The following STAM variants were observed in gnomAD, a reference collection of about 807,000 sequenced individuals.
STAM encodes signal transducing adaptor molecule.
STAM carries 16 observed loss-of-function variants against 63.4 expected under a neutral mutation model. The observed-to-expected ratio is 0.25, with a 90% CI of 0.17 to 0.38. The LOEUF (loss-of-function observed/expected upper bound fraction) is 0.38, where lower values mean the gene tolerates loss of function less well. Ranked by LOEUF, STAM falls within the 10% of genes least tolerant of loss-of-function variation. The pLI is 1.00. For missense variants in STAM, 636 were observed against 657.1 expected (o/e 0.97, Z 0.35); for synonymous variants, 238 against 223.9 (o/e 1.06, Z -0.56).
chr10:17,691,379 G>A (rs986201686), intron 5 of STAM, among the ~76,000 whole-genome samples: 22 of 152,110 alleles, frequency 1.4e-4, no homozygotes, highest in South Asian at 4.1e-4. Context: ...TTAGCCAGGC[G>A]TAGTGGCAGG....
intron 11 of STAM, among the ~76,000 whole-genome samples, chr10:17,705,373 C>T (rs952655902): frequency 9.2e-5 from 14 of 152,224 alleles, no homozygotes; most frequent in East Asian, 7.7e-4. Flanking sequence ...CAGTCAGGTA[C>T]GATAAGACGG....
rs568957106 is a variant in STAM at position 17,700,396 on chromosome 10, T to A, written c.912+117T>A. 131 of 779,256 alleles carry A rather than the reference T, an allele frequency of 1.7e-4. No homozygotes were observed. The African/African-American group carries it at 2.1e-3, about 12-fold the overall frequency. The allele number at this position is 779,256 out of a possible 1,614,324, so 48.3% of individuals were successfully genotyped here. A position where few individuals can be genotyped will look rare whatever the true frequency, so the allele number is the denominator to read the frequency against. On this transcript the variant is annotated intron_variant, in intron 9 of 13. Transcript: ENST00000377524. ...TGTTGTAAAAATTTTTGTATTTTTT[T>A]ATAAAAATTCAAGCAATATAGACGA...
At chr10:17,652,518 C>A (rs1226027967) in intron 1 of STAM, among the ~76,000 whole-genome samples, 1 of 152,160 alleles carries the variant, frequency 6.6e-6, no homozygotes, top group Non-Finnish European at 1.5e-5. Flanking sequence ...TAAGATAGCA[C>A]TCAACTATGA....
At chr10:17,667,128 ATT>A (rs34207861) in intron 2 of STAM, among the ~76,000 whole-genome samples, 87,056 of 148,736 alleles carry the variant, frequency 0.59, 25,645 homozygotes, top group African/African-American at 0.68. Context: ...GAGTTAAATA[ATT>A]TTTTTTTTTT....
chr10:17,714,429 G>A (rs1027435606), intron 13 of STAM, 114 bp from the exon 14 acceptor site: 21 of 998,698 alleles, frequency 2.1e-5, no homozygotes, highest in African/African-American at 4.8e-5. Context: ...TTAGTAAAAG[G>A]TTATTAAATG....
intron 4 of STAM, among the ~76,000 whole-genome samples, chr10:17,686,372 T>A (rs1258824444): frequency 6.7e-6 from 1 of 149,838 alleles, no homozygotes; most frequent in Non-Finnish European, 1.5e-5. Context: ...CTTAATAACA[T>A]CCCGCCTTTT....
rs1402869820 is a variant in STAM at position 17,693,310 on chromosome 10, A to T, written c.533A>T (p.Lys178Ile). 31 of 1,609,346 alleles carry T rather than the reference A, an allele frequency of 1.9e-5. No homozygotes were observed. Among genetic ancestry groups the T allele is most frequent in the Non-Finnish European group, 2.5e-5 (30 of 1,179,448 alleles). Residue 178 changes from lysine (K) to isoleucine (I), a missense_variant and splice_region_variant, in exon 6 of 14, where the codon AAA becomes ATA. This residue lies in a region of STAM where 532 missense variants were observed against 536.9 expected (regional missense o/e 0.99). Transcript: ENST00000377524. ...ANKKEEEDLA[K>I]AIELSLKEQR... ...AAAAAAGAAGAAGAAGATTTAGCAA[A>T]AGGTGCGTTTTTAAGTCCCTGATGG...
chr10:17,694,609 G>A (rs1233356090), intron 6 of STAM, among the ~76,000 whole-genome samples: 2 of 152,082 alleles, frequency 1.3e-5, no homozygotes, highest in Admixed American at 1.3e-4. Context: ...TACCCTTGGA[G>A]CAATAAAATC....
chr10:17,673,001 C>T lies in STAM; in HGVS notation c.126-11674C>T, dbSNP rs948152419. 2.3e-5 allele frequency: 23 copies of T among 984,682 alleles called. No individual in the cohort carries two copies. The African/African-American group carries it at 3.5e-4, about 15-fold the overall frequency. 61.0% of individuals were successfully genotyped at this position (984,682 alleles called of 1,614,324 possible). A position where few individuals can be genotyped will look rare whatever the true frequency, so the allele number is the denominator to read the frequency against. On this transcript the variant is annotated intron_variant, in intron 2 of 13. Transcript: ENST00000377524. ...TAAGGAAAAGAGAGGATGTGTCTTA[C>T]AAAAAGTTTTAAAATACCAAAATGG...
chr10:17,672,634 G>A (rs1232323535), intron 2 of STAM, among the ~76,000 whole-genome samples: 1 of 152,144 alleles, frequency 6.6e-6, no homozygotes, highest in Non-Finnish European at 1.5e-5. Flanking sequence ...AGCTTCTTCA[G>A]CTGTTGCTCA....
At chr10:17,669,687 T>G (rs1554823822) in intron 2 of STAM, among the ~76,000 whole-genome samples, 2 of 151,246 alleles carry the variant, frequency 1.3e-5, no homozygotes, top group African/African-American at 4.8e-5. Context: ...ATTTCCCTTC[T>G]TTTTCTTTCT....
chr10:17,682,753 C>T (rs781817414), intron 2 of STAM, among the ~76,000 whole-genome samples: 2 of 152,072 alleles, frequency 1.3e-5, no homozygotes, highest in African/African-American at 2.4e-5. Flanking sequence ...TAATGCCAGT[C>T]AGGTCAAGTT....
At chr10:17,705,354 T>C (rs1325710868) in intron 11 of STAM, among the ~76,000 whole-genome samples, 2 of 152,198 alleles carry the variant, frequency 1.3e-5, no homozygotes, top group South Asian at 2.1e-4. Context: ...AACCAAGATA[T>C]TTCTGGTACA....
chr10:17,707,071 C>T (rs1459470291), intron 12 of STAM, among the ~76,000 whole-genome samples: 4 of 152,188 alleles, frequency 2.6e-5, no homozygotes, highest in Non-Finnish European at 5.9e-5. Flanking sequence ...CAAGGACCCC[C>T]TTTTCACAAA....
intron 2 of STAM, among the ~76,000 whole-genome samples, chr10:17,683,940 C>G (rs17463996): frequency 6.6e-6 from 1 of 152,030 alleles, no homozygotes; most frequent in Non-Finnish European, 1.5e-5. Flanking sequence ...TGGTTACATT[C>G]GTCTGTGGCT....
chr10:17,693,394 A>G, intron 6 of STAM, 82 bp downstream of exon 6: 1 of 1,182,346 alleles, frequency 8.5e-7, no homozygotes, highest in Admixed American at 2.5e-5. Flanking sequence ...AATAAATAGA[A>G]CTTTATAGCA....
chr10:17,648,764 A>G (rs1265360291), intron 1 of STAM, among the ~76,000 whole-genome samples: 1 of 152,236 alleles, frequency 6.6e-6, no homozygotes, highest in Admixed American at 6.5e-5. Context: ...TACAAAGGTC[A>G]GTGATCTTTT....
rs1436427566 is a variant in STAM at position 17,684,930 on chromosome 10, A to G, written c.297+3A>G. 1.0e-5 allele frequency: 16 copies of G among 1,601,146 alleles called. No individual in the cohort carries two copies. In the Admixed American group the frequency reaches 2.7e-4, roughly 27 times the overall value. ...AAGTAAGCAACGTATTAAATAAGGT[A>G]AGGAGCATTATTTCCAGAAATTAAT... On this transcript the variant is annotated splice_donor_region_variant and intron_variant, in intron 4 of 13. Coordinates refer to ENST00000377524, the MANE Select transcript of STAM (RefSeq NM_003473.4).
At chr10:17,705,803 C>T in intron 12 of STAM, 62 bp downstream of exon 12, 5 of 1,524,642 alleles carry the variant, frequency 3.3e-6, no homozygotes, top group South Asian at 2.5e-5. Flanking sequence ...TGTGGTAGCT[C>T]ATGCCTGTAA....
Sources: allele counts gnomAD v4.1 joint callset (sites outside exome capture counted in the v4.1 genomes callset), GRCh38; gene constraint gnomAD v4.1.1; regional missense constraint gnomAD v4.1.1; transcripts MANE v1.5; gene names NCBI Gene and HGNC (gene_info 2026-07-23, HGNC 2026-07-21).